Variants in NAV2 observed in about 807,000 individuals in gnomAD.
NAV2 encodes helicase, APC down-regulated 1.
In NAV2, 54 loss-of-function variants were observed where a neutral mutation model predicts 223.2. The ratio of observed to expected loss-of-function variants is 0.24; its 90% CI spans 0.19 to 0.30. The LOEUF (loss-of-function observed/expected upper bound fraction) is 0.30. Among genes scored for constraint, NAV2 ranks in the 10% least tolerant of loss-of-function variants. NAV2 has a pLI of 1.00. For synonymous variants in NAV2, 1,279 were observed against 1,239.3 expected (o/e 1.03, Z -0.67); for missense variants, 2,806 against 3,147.5 (o/e 0.89, Z 2.60).
intron 1 of NAV2, among the ~76,000 whole-genome samples, chr11:19,358,363 A>C (rs1162613328): frequency 6.6e-6 from 1 of 152,204 alleles, no homozygotes; most frequent in African/African-American, 2.4e-5. Flanking sequence ...AAGCCAAGTC[A>C]GGGTGATTCC....
At chr11:19,824,179 C>T (rs1022814253) in intron 1 of NAV2, among the ~76,000 whole-genome samples, 2 of 152,172 alleles carry the variant, frequency 1.3e-5, no homozygotes, top group African/African-American at 4.8e-5. Flanking sequence ...ATCTGTAAAG[C>T]AACTGTATAT....
At chr11:20,087,394 C>A (rs2060523772) in intron 26 of NAV2, among the ~76,000 whole-genome samples, 1 of 152,126 alleles carries the variant, frequency 6.6e-6, no homozygotes, top group Non-Finnish European at 1.5e-5. Flanking sequence ...AGGCTGAGAG[C>A]AAATGCTTGT....
intron 1 of NAV2, among the ~76,000 whole-genome samples, chr11:19,542,020 G>C (rs2044355267): frequency 6.7e-6 from 1 of 148,870 alleles, no homozygotes; most frequent in Non-Finnish European, 1.5e-5. Flanking sequence ...TTCACACTGA[G>C]AGTCACAGCA....
At chr11:19,680,784 T>C (rs948923087) in intron 1 of NAV2, among the ~76,000 whole-genome samples, 2 of 152,208 alleles carry the variant, frequency 1.3e-5, no homozygotes, top group Non-Finnish European at 2.9e-5. Flanking sequence ...GTGGTAATTA[T>C]TATAAAACAC....
chr11:19,984,204 A>G lies in NAV2; in HGVS notation c.2725A>G (p.Thr909Ala). 1.2e-6 allele frequency: 2 copies of G among 1,614,042 alleles called. No individual in the cohort carries two copies. Among genetic ancestry groups the G allele is most frequent in the Non-Finnish European group, 8.5e-7 (1 of 1,180,010 alleles). The change falls in exon 11 of 38, where the codon ACC (threonine) becomes GCC (alanine). Residue 909 changes from threonine (T) to alanine (A), a missense_variant. Thr to Ala is a moderately conservative substitution (Grantham distance 58). Coordinates refer to ENST00000349880, the MANE Select transcript of NAV2 (RefSeq NM_145117.5). ...TGATGGGATGGCTGTGGTACGGGAG[A>G]CCCTGCAACGAAATACCTCCCTGGG... ...LPDGMAVVRE[T>A]LQRNTSLGLG...
intron 1 of NAV2, among the ~76,000 whole-genome samples, chr11:19,424,207 G>C (rs925480189): frequency 4.6e-5 from 7 of 152,296 alleles, no homozygotes; most frequent in Admixed American, 1.3e-4. Context: ...ATATCAATGA[G>C]ATACTTTCTG....
intron 1 of NAV2, among the ~76,000 whole-genome samples, chr11:19,539,502 A>G (rs2044281481): frequency 6.6e-6 from 1 of 152,212 alleles, no homozygotes; most frequent in African/African-American, 2.4e-5. Flanking sequence ...TCATTGTAAG[A>G]ATGTATACAA....
At chr11:20,038,583 C>T (rs59908244) in intron 12 of NAV2, among the ~76,000 whole-genome samples, 11,550 of 152,246 alleles carry the variant, frequency 0.076, 561 homozygotes, top group East Asian at 0.18. Context: ...TGCTAAGGGC[C>T]ATTACTCCTG....
chr11:19,552,281 A>T (rs2044713811), intron 1 of NAV2, among the ~76,000 whole-genome samples: 1 of 152,224 alleles, frequency 6.6e-6, no homozygotes, highest in Admixed American at 6.5e-5. Context: ...CCGTGGACAG[A>T]TGGAGACACC....
chr11:19,735,160 G>A (rs779192598), intron 1 of NAV2, among the ~76,000 whole-genome samples: 12 of 152,290 alleles, frequency 7.9e-5, no homozygotes, highest in South Asian at 2.1e-4. Context: ...TGCAGTTGTC[G>A]TGCCAGGCCC....
At chr11:19,632,490 C>A (rs1399258734) in intron 1 of NAV2, among the ~76,000 whole-genome samples, 1 of 152,046 alleles carries the variant, frequency 6.6e-6, no homozygotes, top group Non-Finnish European at 1.5e-5. Flanking sequence ...ATTCAACGAG[C>A]TTTTATCAAG....
intron 37 of NAV2, among the ~76,000 whole-genome samples, chr11:20,116,501 G>C (rs1410967028): frequency 1.3e-5 from 2 of 152,190 alleles, no homozygotes; most frequent in South Asian, 2.1e-4. Context: ...CCAAAGTCAC[G>C]GAGGTATTTT....
At chr11:20,051,210 G>A (rs1011318850) in intron 16 of NAV2, 79 bp from the exon 17 acceptor site, 1 of 1,247,352 alleles carries the variant, frequency 8.0e-7, no homozygotes, top group Non-Finnish European at 1.2e-6. Context: ...GGGCCCTTCA[G>A]TCCCCTCCCT....
chr11:19,699,766 T>C (rs1180676580), intron 1 of NAV2, among the ~76,000 whole-genome samples: 2 of 152,198 alleles, frequency 1.3e-5, no homozygotes, highest in Non-Finnish European at 2.9e-5. Flanking sequence ...ACAGATGTGA[T>C]CCAGGACTGC....
chr11:19,758,458 A>G (rs1464160777), intron 1 of NAV2, among the ~76,000 whole-genome samples: 4 of 152,168 alleles, frequency 2.6e-5, no homozygotes, highest in African/African-American at 7.2e-5. Flanking sequence ...GTGGTGGTGG[A>G]CCAGAGGAGC....
chr11:19,852,153 A>ATTTGTATTACTG (rs2061180819), intron 3 of NAV2, among the ~76,000 whole-genome samples: 1 of 152,244 alleles, frequency 6.6e-6, no homozygotes, highest in Non-Finnish European at 1.5e-5. Context: ...AGAACTGTAG[A>ATTTGTATTACTG]TAATACATCT....
At chr11:19,410,485 C>G (rs1850095849) in intron 1 of NAV2, among the ~76,000 whole-genome samples, 1 of 152,194 alleles carries the variant, frequency 6.6e-6, no homozygotes. Flanking sequence ...AGGCTAACTA[C>G]CTTATCCAGG....
chr11:19,453,141 C>T (rs1851846653), intron 1 of NAV2, among the ~76,000 whole-genome samples: 1 of 152,182 alleles, frequency 6.6e-6, no homozygotes, highest in Non-Finnish European at 1.5e-5. Context: ...TGCTCATATT[C>T]AACTGTCCAC....
chr11:19,658,348 A>C (rs2048183926), intron 1 of NAV2, among the ~76,000 whole-genome samples: 1 of 152,164 alleles, frequency 6.6e-6, no homozygotes, highest in Non-Finnish European at 1.5e-5. Flanking sequence ...AATCATCACA[A>C]CAGCCATGTA....
Sources: gnomAD v4.1 joint callset for allele counts (sites outside exome capture counted in the v4.1 genomes callset) on GRCh38, gnomAD v4.1.1 for gene constraint, MANE v1.5 for transcripts, NCBI Gene and HGNC (gene_info 2026-07-23, HGNC 2026-07-21) for gene names.